ARHGAP9: variants seen among roughly 807,000 people sequenced by gnomAD.
ARHGAP9 encodes the protein rho GTPase-activating protein 9.
Under a neutral mutation model 87.3 loss-of-function variants are expected in ARHGAP9, and 76 were observed. The ratio of observed to expected loss-of-function variants is 0.87; its 90% confidence interval spans 0.72 to 1.05. The LOEUF is 1.05. Ranked by LOEUF, ARHGAP9 falls within the 50% of genes least tolerant of loss-of-function variation. The pLI is 0.00. For missense variants in ARHGAP9, 941 were observed against 960.5 expected, an observed-to-expected ratio of 0.98 and a Z score of 0.27; for synonymous variants, 382 against 394.9, an observed-to-expected ratio of 0.97 and a Z score of 0.39.
upstream of ARHGAP9, among the ~76,000 whole-genome samples, chr12:57,482,275 C>G (rs1173896459): frequency 6.6e-6 from 1 of 151,762 alleles, no homozygotes; most frequent in East Asian, 1.9e-4. Context: ...GAGTCTTGCT[C>G]TGTCGCCCAG....
chr12:57,474,526 C>A, intron 14 of ARHGAP9, 50 bp from the exon 15 acceptor site: 1 of 1,613,710 alleles, frequency 6.2e-7, no homozygotes, highest in Non-Finnish European at 8.5e-7. Flanking sequence ...CACTTCCAGC[C>A]TGACGGCCTC....
intron 8 of ARHGAP9, 52 bp downstream of exon 8, chr12:57,476,312 T>G: frequency 6.3e-7 from 1 of 1,591,958 alleles, no homozygotes. Flanking sequence ...CACATTGGCG[T>G]GAGGCGGTAG....
Position 57,476,124 on chromosome 12 carries a change from C to A in ARHGAP9, c.1159G>T (p.Gly387Trp). The change falls in exon 9 of 18, where the codon GGG becomes TGG. Residue 387 changes from glycine to tryptophan, a missense_variant. Physicochemically the swap from Gly to Trp is radical, Grantham distance 184 (BLOSUM62 -2). Coordinates refer to ENST00000393791, the MANE Select transcript of ARHGAP9 (RefSeq NM_032496.4). ...SRPESSVDLR[G>W]AALAHGRHLS... The stretch of plus-strand genomic sequence containing the variant: ...TGGCGGCCGTGCGCCAGGGCCGCCC[C>A]GCGCAGGTCCACGCTACTTTCGGGC... 1.3e-6 allele frequency: 2 copies of A among 1,542,562 alleles called. No homozygotes were observed. Among genetic ancestry groups the A allele is most frequent in the Non-Finnish European group, 8.7e-7 (1 of 1,144,090 alleles).
upstream of ARHGAP9, chr12:57,480,096 A>G: frequency 2.0e-6 from 2 of 985,330 alleles, no homozygotes; most frequent in Non-Finnish European, 2.4e-6. Context: ...AATCCAGGAC[A>G]CGATTTTGGG....
At position 57,479,165 on chromosome 12, in the gene ARHGAP9, G is replaced by T; in HGVS notation, c.242C>A (p.Ala81Asp). 6.2e-7 allele frequency: 1 copy of T among 1,614,210 alleles called. No individual in the cohort carries two copies. The highest frequency in any genetic ancestry group is 8.5e-7 in the Non-Finnish European group (1 of 1,180,034). The change falls in exon 2 of 18, where the codon GCC becomes GAC. Residue 81 changes from alanine (A) to aspartate (D), a missense_variant. By Grantham distance (126) the Ala-to-Asp change is moderately radical. Coordinates refer to ENST00000393791, the MANE Select transcript of ARHGAP9 (RefSeq NM_032496.4). Reference sequence around the variant, plus strand: ...AGGGATGGATTCCTCTATCATATAGGCTGCTGGGACGAAGATGGGTCGAGA... The same window carrying T: ...AGGGATGGATTCCTCTATCATATAGTCTGCTGGGACGAAGATGGGTCGAGA... ...STSRPIFVPA[A>D]YMIEESIPSQ... is the part of the protein sequence containing the mutation.
At position 57,472,335 on chromosome 12, in the gene ARHGAP9, G is replaced by T; in HGVS notation, c.*182C>A. 1 of 688,978 alleles carries T rather than the reference G, an allele frequency of 1.5e-6. No individual in the cohort carries two copies. The allele number at this position is 688,978 out of a possible 1,614,324, so 42.7% of individuals were successfully genotyped here. ...TAACAGGGAACAAGAAGAGAAGCAG[G>T]GGTTAATCCACTCACTTTCCTCTTT... On this transcript the variant is annotated 3_prime_UTR_variant, in exon 18 of 18. Coordinates refer to ENST00000393791, the MANE Select transcript of ARHGAP9 (RefSeq NM_032496.4).
chr12:57,480,440 C>T (rs1283166935), upstream of ARHGAP9, among the ~76,000 whole-genome samples: 2 of 152,088 alleles, frequency 1.3e-5, no homozygotes, highest in Non-Finnish European at 1.5e-5. Flanking sequence ...CCTCAGCCTC[C>T]CAAAGTGCTG....
chr12:57,480,908 T>TGA, upstream of ARHGAP9: 1 of 1,418,160 alleles, frequency 7.1e-7, no homozygotes, highest in Non-Finnish European at 9.7e-7. Flanking sequence ...GCCAGCTCTC[T>TGA]TCCCCTGAGG....
At chr12:57,475,145 G>T (rs1218971154) in intron 12 of ARHGAP9, 146 bp downstream of exon 12, 2 of 1,114,490 alleles carry the variant, frequency 1.8e-6, no homozygotes, top group Admixed American at 4.8e-5. Flanking sequence ...CTGGCAAAGG[G>T]GTACAGGTCA....
chr12:57,480,815 A>G, upstream of ARHGAP9: 1 of 1,550,398 alleles, frequency 6.4e-7, no homozygotes, highest in Non-Finnish European at 8.7e-7. Context: ...CAGCTTCTCC[A>G]CTGCACAATG....
intron 1 of ARHGAP9, among the ~76,000 whole-genome samples, chr12:57,486,254 CTT>C (rs1875385249): frequency 6.6e-6 from 1 of 151,960 alleles, no homozygotes; most frequent in Non-Finnish European, 1.5e-5. Context: ...TTGCCAAACT[CTT>C]AGCCATCTTG....
At position 57,475,874 on chromosome 12, in the gene ARHGAP9, G is replaced by T; in HGVS notation, c.1270C>A (p.Arg424=). 1.2e-6 allele frequency: 2 copies of T among 1,613,892 alleles called. No homozygotes were observed. Among genetic ancestry groups the T allele is most frequent in the Non-Finnish European group, 1.7e-6 (2 of 1,179,912 alleles). Residue 424 remains arginine (R), a synonymous_variant, in exon 10 of 18, where the codon CGA becomes AGA. Coordinates refer to ENST00000393791, the MANE Select transcript of ARHGAP9 (RefSeq NM_032496.4). ...GTCCGCAGCGCGCGGTGCCAGGCTC[G>T]CAGCTCTGTCTCGTGGTCCGACTGC... ...LLQSDHETEL[R]AWHRALRTVI...
Position 57,475,390 on chromosome 12 carries a change from GC to G in ARHGAP9, c.1452del (p.Glu486LysfsTer12). The G allele has an allele frequency of 3.8e-6, 6 of 1,594,576 alleles. No homozygotes were observed. The highest frequency in any genetic ancestry group is 4.3e-6 in the Non-Finnish European group (5 of 1,170,546). On this transcript the variant is annotated frameshift_variant, in exon 12 of 18. Coordinates refer to ENST00000393791, the MANE Select transcript of ARHGAP9 (RefSeq NM_032496.4). LOFTEE classifies it high-confidence loss of function. ...ACGCGGTTCTGCTCGGTGCCTTCGG[GC>G]CCCCGAACTGCAGGAGGCAGGTAGA... is the stretch of plus-strand genomic sequence containing the variant. ...RLSSRRSSIR[G>X]PEGTEQNRVR...
upstream of ARHGAP9, among the ~76,000 whole-genome samples, chr12:57,483,602 C>T (rs1168525284): frequency 6.6e-6 from 1 of 152,228 alleles, no homozygotes; most frequent in Non-Finnish European, 1.5e-5. Flanking sequence ...GAATTCCTCA[C>T]ATTCTTAAAG....
chr12:57,474,582 G>A, intron 14 of ARHGAP9, 44 bp downstream of exon 14: 1 of 1,613,398 alleles, frequency 6.2e-7, no homozygotes, highest in Middle Eastern at 1.7e-4. Context: ...TGGTTCTCAG[G>A]CAAGACATTC....
upstream of ARHGAP9, among the ~76,000 whole-genome samples, chr12:57,482,035 C>T (rs564513732): frequency 2.8e-4 from 42 of 152,260 alleles, no homozygotes; most frequent in East Asian, 6.9e-3. Context: ...TTCACAGGTA[C>T]GACAAACTCA....
upstream of ARHGAP9, among the ~76,000 whole-genome samples, chr12:57,482,347 T>C (rs977810059): frequency 9.2e-5 from 14 of 151,966 alleles, no homozygotes; most frequent in African/African-American, 3.4e-4. Context: ...TTCATGCCAT[T>C]CTCCTGCCTC....
intron 1 of ARHGAP9, chr12:57,488,369 T>A: frequency 1.4e-6 from 1 of 728,192 alleles, no homozygotes; most frequent in Non-Finnish European, 2.2e-6. Context: ...GTCACATCTT[T>A]CACTTCCTTT....
At position 57,475,550 on chromosome 12, in the gene ARHGAP9, C is replaced by T. The variant is rs1256457463; in HGVS notation, c.1377G>A (p.Glu459=). The T allele has an allele frequency of 6.8e-6, 11 of 1,608,648 alleles. No homozygotes were observed. In the Admixed American group the frequency reaches 1.5e-4, roughly 22 times the overall value. ...GSGPAELSAG[E]DEEEESELVS... The stretch of plus-strand genomic sequence containing the variant: ...CCAGCTCCGACTCCTCTTCTTCGTC[C>T]TCCCCGGCGCTCAGCTCCGCGGGTC... Residue 459 remains glutamate, a synonymous_variant, in exon 11 of 18, where the codon GAG becomes GAA. Coordinates refer to ENST00000393791, the MANE Select transcript of ARHGAP9 (RefSeq NM_032496.4).
Sources: gnomAD v4.1 joint callset for allele counts (sites outside exome capture counted in the v4.1 genomes callset) on GRCh38, gnomAD v4.1.1 for gene constraint, MANE v1.5 for transcripts, NCBI Gene and HGNC (gene_info 2026-07-23, HGNC 2026-07-21) for gene names.